CARM1: variants seen among roughly 807,000 people sequenced by gnomAD.
The protein encoded by CARM1 is coactivator associated arginine methyltransferase 1.
Under a neutral mutation model 72.7 loss-of-function variants are expected in CARM1, and 14 were observed. The ratio of observed to expected loss-of-function variants is 0.19; its 90% CI spans 0.13 to 0.30. The LOEUF is 0.30. CARM1 is among the 10% of genes least tolerant of loss of function. CARM1 has a pLI of 1.00. For missense variants in CARM1, 432 were observed against 833.7 expected (o/e 0.52, Z 5.93); for synonymous variants, 333 against 345.5 (o/e 0.96, Z 0.40).
Position 10,896,261 on chromosome 19 carries a change from GC to G in CARM1, c.221-8686del, listed in dbSNP as rs1291975425. Among the ~76,000 whole-genome samples the G allele has an allele frequency of 6.6e-6, 1 of 151,956 alleles. No individual in the cohort carries two copies. Among genetic ancestry groups the G allele is most frequent in the Non-Finnish European group, 1.5e-5 (1 of 67,958 alleles). The stretch of plus-strand genomic sequence containing the variant: ...CAGGGCTGCCGTGGAGCTGCTTGCT[GC>G]CCCACCCACCATTCTCTAGTGTATT... On this transcript the variant is annotated intron_variant, in intron 1 of 15. Coordinates refer to ENST00000327064, the MANE Select transcript of CARM1 (RefSeq NM_199141.2). This position sits in a 1 kb window ranked among gnomAD's most constrained non-coding sequence, Gnocchi z 5.2.
intron 1 of CARM1, among the ~76,000 whole-genome samples, chr19:10,899,910 G>A (rs1337622494): frequency 6.6e-6 from 1 of 151,964 alleles, no homozygotes; most frequent in East Asian, 1.9e-4. Context: ...TAGTAAAGAC[G>A]GGGTTTTGCC....
chr19:10,892,510 A>G (rs1180634214), intron 1 of CARM1, among the ~76,000 whole-genome samples: 2 of 152,242 alleles, frequency 1.3e-5, no homozygotes, highest in Admixed American at 6.5e-5. Context: ...CGAGGACGAC[A>G]TCGGAGGATC....
At chr19:10,907,946 G>A (rs1349918522) in intron 2 of CARM1, 93 bp from the exon 3 acceptor site, 4 of 766,108 alleles carry the variant, frequency 5.2e-6, no homozygotes, top group East Asian at 2.5e-5. Flanking sequence ...AGGGAGAAAC[G>A]TCAGGACATA....
chr19:10,901,410 G>A (rs1016501310), intron 1 of CARM1, among the ~76,000 whole-genome samples: 3 of 151,940 alleles, frequency 2.0e-5, no homozygotes, highest in African/African-American at 7.3e-5. Context: ...TTGAGCTCCC[G>A]GGCTCAAGCA....
intron 1 of CARM1, among the ~76,000 whole-genome samples, chr19:10,882,711 T>G (rs1234577046): frequency 6.6e-6 from 1 of 152,002 alleles, no homozygotes; most frequent in Non-Finnish European, 1.5e-5. Context: ...CCGGCTAATT[T>G]TTGTGTTTTT....
Position 10,921,590 on chromosome 19 carries a change from C to T in CARM1, c.1685-25C>T, listed in dbSNP as rs1173072889. On this transcript the variant is annotated intron_variant, in intron 15 of 15. Coordinates refer to ENST00000327064, the MANE Select transcript of CARM1 (RefSeq NM_199141.2). ...GGGGCTGGGCGGGCCAGGGCAGCCC[C>T]TCACTGCCATTGCCTGCTCCACAGG... The T allele has an allele frequency of 1.9e-6, 3 of 1,598,210 alleles. No homozygotes were observed. In the East Asian group the frequency reaches 6.7e-5, roughly 36 times the overall value.
At chr19:10,899,491 T>C (rs747795076) in intron 1 of CARM1, among the ~76,000 whole-genome samples, 2 of 152,174 alleles carry the variant, frequency 1.3e-5, no homozygotes, top group Non-Finnish European at 2.9e-5. Context: ...CTTGGGCCTC[T>C]GTGGGTGTAG....
Position 10,921,906 on chromosome 19 carries a change from C to G in CARM1, c.*149C>G. 2 of 751,302 alleles carry G rather than the reference C, an allele frequency of 2.7e-6. No individual in the cohort carries two copies. The highest frequency in any genetic ancestry group is 2.1e-6 in the Non-Finnish European group (1 of 477,906). 46.5% of individuals were successfully genotyped at this position (751,302 alleles called of 1,614,324 possible). A position where few individuals can be genotyped will look rare whatever the true frequency, so the allele number is the denominator to read the frequency against. On this transcript the variant is annotated 3_prime_UTR_variant, in exon 16 of 16. Coordinates refer to ENST00000327064, the MANE Select transcript of CARM1 (RefSeq NM_199141.2). ...ATGGGAACTGGGACACTTTTTTACA[C>G]GATGTTGCCGCCGTCCCCACCCTAA...
intron 4 of CARM1, among the ~76,000 whole-genome samples, chr19:10,910,680 C>A (rs111488645): frequency 6.6e-6 from 1 of 150,400 alleles, no homozygotes; most frequent in Admixed American, 6.7e-5. Context: ...ATTCTCCTGC[C>A]TCAGCCTCCT....
chr19:10,889,590 A>T lies in CARM1; in HGVS notation c.221-15361A>T, dbSNP rs935508739. On this transcript the variant is annotated intron_variant, in intron 1 of 15. Coordinates refer to ENST00000327064, the MANE Select transcript of CARM1 (RefSeq NM_199141.2). ...GTGATCCGCCTGCCTCAGCCTCCCA[A>T]AGTGCTGGGATTACAGGCGTGAGCT... is the stretch of plus-strand genomic sequence containing the variant. Among the ~76,000 whole-genome samples the T allele has an allele frequency of 4.0e-5, 6 of 151,596 alleles. No individual in the cohort carries two copies. The East Asian group carries it at 9.7e-4, about 25-fold the overall frequency.
chr19:10,907,844 C>T (rs760295758), intron 2 of CARM1, among the ~76,000 whole-genome samples, 195 bp from the exon 3 acceptor site: 12 of 152,244 alleles, frequency 7.9e-5, no homozygotes, highest in Non-Finnish European at 1.5e-4. Flanking sequence ...TCATGTCAGT[C>T]ACCACAGTGC....
intron 1 of CARM1, among the ~76,000 whole-genome samples, chr19:10,889,738 G>A (rs1355121098): frequency 1.3e-5 from 2 of 152,124 alleles, no homozygotes; most frequent in African/African-American, 2.4e-5. Context: ...GGATCCAACC[G>A]TGGACCCTGG....
intron 1 of CARM1, among the ~76,000 whole-genome samples, chr19:10,879,939 G>A (rs1029937888): frequency 2.6e-5 from 4 of 152,164 alleles, no homozygotes; most frequent in Non-Finnish European, 5.9e-5. Flanking sequence ...AATGGAAGGT[G>A]TCCAGTGCTG....
chr19:10,903,096 C>G (rs1198614156), intron 1 of CARM1, among the ~76,000 whole-genome samples: 1 of 152,128 alleles, frequency 6.6e-6, no homozygotes, highest in Non-Finnish European at 1.5e-5. Flanking sequence ...CCAGTTTTCT[C>G]AACAGTGTTT....
intron 1 of CARM1, among the ~76,000 whole-genome samples, chr19:10,879,304 A>G (rs1599683439): frequency 6.6e-6 from 1 of 152,176 alleles, no homozygotes; most frequent in East Asian, 1.9e-4. Flanking sequence ...TGTTGGCTAG[A>G]ATGTAGTCAC....
chr19:10,904,708 G>A (rs534058931), intron 1 of CARM1, among the ~76,000 whole-genome samples: 20 of 152,326 alleles, frequency 1.3e-4, no homozygotes, highest in African/African-American at 4.3e-4. Context: ...CACCATGCCC[G>A]TCTCAGCCCT....
In CARM1 at chr19:10,904,934, C is replaced by T; in HGVS notation, c.221-17C>T. The stretch of plus-strand genomic sequence containing the variant: ...GACAGGGCTGCACCGCTCACGCCAG[C>T]CTGTCTTCTCTCGTAGATGAAGATG... On this transcript the variant is annotated splice_polypyrimidine_tract_variant and intron_variant, in intron 1 of 15. Transcript: ENST00000327064. 1 of 1,613,602 alleles carries T rather than the reference C, an allele frequency of 6.2e-7. No individual in the cohort carries two copies. Among genetic ancestry groups the T allele is most frequent in the Non-Finnish European group, 8.5e-7 (1 of 1,179,570 alleles).
intron 1 of CARM1, among the ~76,000 whole-genome samples, chr19:10,874,751 G>A (rs2073850188): frequency 1.3e-5 from 2 of 152,180 alleles, no homozygotes; most frequent in Non-Finnish European, 2.9e-5. Context: ...GCCAGGCGTG[G>A]TGGCTCACAC....
intron 1 of CARM1, among the ~76,000 whole-genome samples, chr19:10,898,426 C>G (rs1444958145): frequency 6.6e-6 from 1 of 152,238 alleles, no homozygotes; most frequent in African/African-American, 2.4e-5. Context: ...GCCTGTCCCC[C>G]ACCTCTCCAG....
Sources: gnomAD v4.1 joint callset for allele counts (sites outside exome capture counted in the v4.1 genomes callset) on GRCh38, gnomAD v4.1.1 for gene constraint, Gnocchi (gnomAD v3.1) non-coding constraint, MANE v1.5 for transcripts, NCBI Gene and HGNC (gene_info 2026-07-23, HGNC 2026-07-21) for gene names.